Variants in FAM227B observed in about 807,000 individuals in gnomAD.
FAM227B encodes protein FAM227B.
Under a neutral mutation model 73.8 loss-of-function variants are expected in FAM227B, and 88 were observed. The ratio of observed to expected loss-of-function variants is 1.19; its 90% CI spans 1.00 to 1.42. The LOEUF (loss-of-function observed/expected upper bound fraction) is 1.42. FAM227B is among the 40% of genes most tolerant of loss of function. The probability of loss-of-function intolerance (pLI) is 0.00; values close to 1 mark genes in which losing one functional copy is unlikely to be tolerated. For synonymous variants in FAM227B, 210 were observed against 190.5 expected (o/e 1.10, Z -0.84); for missense variants, 632 against 590.9 (o/e 1.07, Z -0.72).
intron 9 of FAM227B, among the ~76,000 whole-genome samples, chr15:49,552,424 G>C (rs1484797997): frequency 6.6e-6 from 1 of 151,992 alleles, no homozygotes; most frequent in Admixed American, 6.6e-5. Context: ...CTTTATCCTT[G>C]ACCTTTGGGA....
rs950309022 is a variant in FAM227B at position 49,337,564 on chromosome 15, T to C, written c.1272-2068A>G. Among the ~76,000 whole-genome samples, 4 of 137,964 alleles carry C rather than the reference T, an allele frequency of 2.9e-5. No homozygotes were observed. The East Asian group carries it at 6.6e-4, about 23-fold the overall frequency. The allele number at this position is 137,964 out of a possible 152,430, so 90.5% of individuals were successfully genotyped here. A position where few individuals can be genotyped will look rare whatever the true frequency, so the allele number is the denominator to read the frequency against. On this transcript the variant is annotated intron_variant, in intron 13 of 15. Transcript: ENST00000299338. ...ATTATACTTTAAGTTCTGGGATACA[T>C]GTGCAGAACATGCAGGTTTGTTACA... is the stretch of plus-strand genomic sequence containing the variant.
At chr15:49,557,734 C>T (rs2073858229) in intron 9 of FAM227B, among the ~76,000 whole-genome samples, 1 of 152,176 alleles carries the variant, frequency 6.6e-6, no homozygotes, top group South Asian at 2.1e-4. Flanking sequence ...CTGTGATAGA[C>T]CTTTGCAATC....
Position 49,350,662 on chromosome 15 carries a change from G to A in FAM227B, c.1272-15166C>T, listed in dbSNP as rs144102789. 9.9e-5 allele frequency among the ~76,000 whole-genome samples: 15 copies of A among 152,230 alleles called. No homozygotes were observed. In the East Asian group the frequency reaches 2.5e-3, roughly 25 times the overall value. ...AACCCCTATGAGGGTACTGTGATTT[G>A]CCTTTTCCCGTAATCTAATTTTTGA... On this transcript the variant is annotated intron_variant, in intron 13 of 15. Coordinates refer to ENST00000299338, the MANE Select transcript of FAM227B (RefSeq NM_152647.3).
chr15:49,609,149 A>G (rs1487550364), intron 3 of FAM227B, among the ~76,000 whole-genome samples: 1 of 151,940 alleles, frequency 6.6e-6, no homozygotes, highest in African/African-American at 2.4e-5. Flanking sequence ...CTGATACAAC[A>G]ATAGTGGAAA....
chr15:49,371,811 A>AAATGAAATAAAATTCACTTATAAATT, intron 11 of FAM227B, among the ~76,000 whole-genome samples: 1 of 142,134 alleles, frequency 7.0e-6, no homozygotes, highest in African/African-American at 2.5e-5. Flanking sequence ...ACTTATAAAT[A>AAATGAAATAAAATTCACTTATAAATT]AATGAAATAA....
At chr15:49,522,659 A>G (rs1435988719) in intron 10 of FAM227B, among the ~76,000 whole-genome samples, 1 of 152,138 alleles carries the variant, frequency 6.6e-6, no homozygotes, top group East Asian at 1.9e-4. Context: ...CTTTAACAAT[A>G]GACTAGACCA....
rs191890325 is a variant in FAM227B, at chr15:49,606,746, A to T, written c.105+4469T>A. 1.1e-4 allele frequency among the ~76,000 whole-genome samples: 16 copies of T among 152,302 alleles called. No homozygotes were observed. In the East Asian group the frequency reaches 2.7e-3, roughly 26 times the overall value. ...CCACCAAGCAAACCCTTCTTTCTCAATGTGGAAGCCTGCCTTGTTTTGGCC... is the reference window on the plus strand; with the variant it reads ...CCACCAAGCAAACCCTTCTTTCTCATTGTGGAAGCCTGCCTTGTTTTGGCC... On this transcript the variant is annotated intron_variant, in intron 3 of 15. Coordinates refer to ENST00000299338, the MANE Select transcript of FAM227B (RefSeq NM_152647.3).
At chr15:49,525,747 A>G (rs2060151880) in intron 10 of FAM227B, among the ~76,000 whole-genome samples, 1 of 138,454 alleles carries the variant, frequency 7.2e-6, no homozygotes, top group Admixed American at 7.4e-5. Context: ...AATGAACAGG[A>G]GTAGTACTCT....
At chr15:49,391,630 T>C (rs1288959623) in intron 11 of FAM227B, among the ~76,000 whole-genome samples, 1 of 152,140 alleles carries the variant, frequency 6.6e-6, no homozygotes, top group African/African-American at 2.4e-5. Context: ...CATTCCCTTC[T>C]GATGACCCCA....
At chr15:49,462,788 A>G (rs2053923510) in intron 11 of FAM227B, among the ~76,000 whole-genome samples, 1 of 152,214 alleles carries the variant, frequency 6.6e-6, no homozygotes, top group Non-Finnish European at 1.5e-5. Flanking sequence ...AGCTTAGACT[A>G]GTGAAGACTT....
intron 11 of FAM227B, among the ~76,000 whole-genome samples, chr15:49,395,191 A>C (rs2047490727): frequency 6.6e-6 from 1 of 152,160 alleles, no homozygotes; most frequent in Non-Finnish European, 1.5e-5. Context: ...TTCTTTTGGT[A>C]AATAGTTACA....
intron 11 of FAM227B, among the ~76,000 whole-genome samples, chr15:49,421,012 T>C (rs566162561): frequency 1.3e-5 from 2 of 152,308 alleles, no homozygotes; most frequent in African/African-American, 4.8e-5. Flanking sequence ...GGCCAGTTAA[T>C]TCTTTGAAGC....
chr15:49,456,934 T>C (rs534575499), intron 11 of FAM227B, among the ~76,000 whole-genome samples: 1 of 152,214 alleles, frequency 6.6e-6, no homozygotes, highest in South Asian at 2.1e-4. Context: ...TTTAAAAAGA[T>C]ACCTTCATAT....
chr15:49,376,517 T>C (rs1393867474), intron 11 of FAM227B, among the ~76,000 whole-genome samples: 1 of 152,160 alleles, frequency 6.6e-6, no homozygotes, highest in East Asian at 1.9e-4. Flanking sequence ...TCTTGATTAA[T>C]GTGGCTTTGT....
At chr15:49,502,873 G>A (rs895291296) in intron 11 of FAM227B, among the ~76,000 whole-genome samples, 11 of 152,190 alleles carry the variant, frequency 7.2e-5, no homozygotes, top group Non-Finnish European at 1.5e-4. Flanking sequence ...CCTCATGAAT[G>A]ACTTGGGACA....
intron 11 of FAM227B, among the ~76,000 whole-genome samples, chr15:49,496,529 T>C (rs978831084): frequency 6.6e-6 from 1 of 152,212 alleles, no homozygotes; most frequent in African/African-American, 2.4e-5. Context: ...TTATAAATCA[T>C]GAGTCATTCC....
chr15:49,358,475 C>A (rs568108265), intron 13 of FAM227B, among the ~76,000 whole-genome samples: 4 of 143,460 alleles, frequency 2.8e-5, no homozygotes, highest in African/African-American at 7.8e-5. Context: ...CATGAGTGAA[C>A]TCCCATTCAC....
intron 5 of FAM227B, among the ~76,000 whole-genome samples, chr15:49,587,298 T>G (rs117189423): frequency 1.3e-5 from 2 of 151,902 alleles, no homozygotes; most frequent in African/African-American, 4.8e-5. Context: ...CATGAACTCA[T>G]AGAGGAGAAC....
Position 49,615,150 on chromosome 15 carries a change from G to A in FAM227B, c.22C>T (p.Gln8Ter), listed in dbSNP as rs1226316791. The A allele has an allele frequency of 6.2e-7, 1 of 1,614,090 alleles. No individual in the cohort carries two copies. The highest frequency in any genetic ancestry group is 1.1e-5 in the South Asian group (1 of 91,072). MAGQRTC[Q>*]RRSSRAGPGK... ...GGGCCAGCTCTGCTGCTCCTCCTTTGACATGTTCGTTGGCCTGCCATGGTA... is the reference window on the plus strand; with the variant it reads ...GGGCCAGCTCTGCTGCTCCTCCTTTAACATGTTCGTTGGCCTGCCATGGTA... Residue 8 changes from glutamine to a stop codon, truncating the protein, a stop_gained, in exon 2 of 16, where the codon CAA becomes TAA. Coordinates refer to ENST00000299338, the MANE Select transcript of FAM227B (RefSeq NM_152647.3). LOFTEE classifies it high-confidence loss of function.
Sources: gnomAD v4.1 joint callset for allele counts (sites outside exome capture counted in the v4.1 genomes callset) on GRCh38, gnomAD v4.1.1 for gene constraint, MANE v1.5 for transcripts, NCBI Gene and HGNC (gene_info 2026-07-23, HGNC 2026-07-21) for gene names.